Variants in TMEM184B observed in about 807,000 individuals in gnomAD.
TMEM184B encodes putative MAPK-activating protein FM08.
A neutral mutation model predicts 41.8 loss-of-function variants in TMEM184B; 17 were observed. The observed-to-expected ratio is 0.41, with a 90% CI of 0.28 to 0.61. The LOEUF (loss-of-function observed/expected upper bound fraction) is 0.61. TMEM184B is among the 20% of genes least tolerant of loss of function. The probability of loss-of-function intolerance (pLI) is 0.34; values close to 1 mark genes in which losing one functional copy is unlikely to be tolerated. For missense variants in TMEM184B, 393 were observed against 557.8 expected (o/e 0.70, Z 2.98); for synonymous variants, 240 against 229.5 (o/e 1.05, Z -0.41).
At chr22:38,268,307 G>A (rs1020619285) in intron 1 of TMEM184B, among the ~76,000 whole-genome samples, 7 of 151,090 alleles carry the variant, frequency 4.6e-5, no homozygotes, top group African/African-American at 1.2e-4. Flanking sequence ...CCCAGGAGGC[G>A]GAGGTTGCAG....
Position 38,241,879 on chromosome 22 carries a change from G to A in TMEM184B, c.358+4056C>T, listed in dbSNP as rs1251371910. The stretch of plus-strand genomic sequence containing the variant: ...GGCCTGGGTGACAGAGCGAGACTCC[G>A]TCTCAAAAAAAAAAAAAAAAAAAAA... On this transcript the variant is annotated intron_variant, in intron 3 of 8. Coordinates refer to ENST00000361906, the MANE Select transcript of TMEM184B (RefSeq NM_012264.5). Among the ~76,000 whole-genome samples, 21 of 46,254 alleles carry A rather than the reference G, an allele frequency of 4.5e-4. No individual in the cohort carries two copies. In the East Asian group the frequency reaches 0.011, roughly 25 times the overall value. 30.3% of individuals were successfully genotyped at this position (46,254 alleles called of 152,430 possible).
At chr22:38,217,634 T>TCCG (rs1010282851), downstream of TMEM184B, among the ~76,000 whole-genome samples, 25 of 149,042 alleles carry the variant, frequency 1.7e-4, no homozygotes, top group African/African-American at 5.9e-4. Context: ...AGAGTGAGAC[T>TCCG]CCGTCTCAAA....
In TMEM184B at chr22:38,221,175, C is replaced by G; in HGVS notation, c.*294G>C. On this transcript the variant is annotated 3_prime_UTR_variant, in exon 9 of 9. Coordinates refer to ENST00000361906, the MANE Select transcript of TMEM184B (RefSeq NM_012264.5). ...GCATTGGGGCCTGGGTGCGGCTGGT[C>G]CCAGCATGCCCCCAGCACAGGACGG... 8.0e-7 allele frequency: 1 copy of G among 1,242,814 alleles called. No homozygotes were observed. Among genetic ancestry groups the G allele is most frequent in the Non-Finnish European group, 1.0e-6 (1 of 989,606 alleles). The allele number at this position is 1,242,814 out of a possible 1,614,324, so 77.0% of individuals were successfully genotyped here. A position where few individuals can be genotyped will look rare whatever the true frequency, so the allele number is the denominator to read the frequency against.
At chr22:38,259,072 C>T (rs1000769962) in intron 1 of TMEM184B, among the ~76,000 whole-genome samples, 4 of 152,180 alleles carry the variant, frequency 2.6e-5, no homozygotes, top group African/African-American at 7.2e-5. Context: ...CCAGGAAAGA[C>T]GTCTTCCGGC....
intron 1 of TMEM184B, among the ~76,000 whole-genome samples, chr22:38,267,083 CAA>C (rs135719): frequency 7.3e-4 from 80 of 109,964 alleles, no homozygotes; most frequent in Admixed American, 9.4e-4. Context: ...AACTCTGTCT[CAA>C]AAAAAAAAAA....
chr22:38,226,520 T>C lies in TMEM184B; in HGVS notation c.617+259A>G. ...TGCCTCAGCAGTGGTCACTGTCCCT[T>C]TGTGGCCCATCCCTTCATGGTACCA... On this transcript the variant is annotated intron_variant, in intron 6 of 8. Transcript: ENST00000361906. This position sits in a 1 kb window ranked among gnomAD's most constrained non-coding sequence, Gnocchi z 4.6. 2.3e-6 allele frequency: 1 copy of C among 426,546 alleles called. No individual in the cohort carries two copies. Among genetic ancestry groups the C allele is most frequent in the Non-Finnish European group, 4.4e-6 (1 of 225,868 alleles). 26.4% of individuals were successfully genotyped at this position (426,546 alleles called of 1,614,324 possible).
intron 2 of TMEM184B, among the ~76,000 whole-genome samples, 163 bp from the exon 3 acceptor site, chr22:38,246,263 G>T (rs2092028388): frequency 6.6e-6 from 1 of 152,202 alleles, no homozygotes. Flanking sequence ...GACAGGACTT[G>T]CCTCCCAAGG....
intron 1 of TMEM184B, among the ~76,000 whole-genome samples, chr22:38,255,463 T>C (rs1056657368): frequency 4.6e-5 from 7 of 152,230 alleles, no homozygotes; most frequent in Admixed American, 1.3e-4. Context: ...TGAGCCACCA[T>C]GCCTGGCCCC....
chr22:38,216,915 A>G (rs2091156007), downstream of TMEM184B, among the ~76,000 whole-genome samples: 1 of 152,168 alleles, frequency 6.6e-6, no homozygotes, highest in South Asian at 2.1e-4. Context: ...ATGTGGTGGT[A>G]CACATGCCTA....
At chr22:38,268,603 A>G (rs1489824686) in intron 1 of TMEM184B, among the ~76,000 whole-genome samples, 1 of 152,114 alleles carries the variant, frequency 6.6e-6, no homozygotes, top group Non-Finnish European at 1.5e-5. Flanking sequence ...GCAAACATTT[A>G]TTTCAGGTCT....
intron 3 of TMEM184B, among the ~76,000 whole-genome samples, chr22:38,244,506 G>A (rs532591750): frequency 6.6e-6 from 1 of 151,976 alleles, no homozygotes; most frequent in African/African-American, 2.4e-5. Flanking sequence ...GCCCAGGCTG[G>A]AGTGCAATGG....
chr22:38,232,806 G>C (rs2091669642), intron 3 of TMEM184B, among the ~76,000 whole-genome samples: 1 of 152,194 alleles, frequency 6.6e-6, no homozygotes, highest in African/African-American at 2.4e-5. Context: ...CCCCAGAGCA[G>C]GTTCTCTTAT....
intron 8 of TMEM184B, chr22:38,222,852 C>T: frequency 4.0e-6 from 1 of 250,232 alleles, no homozygotes; most frequent in Non-Finnish European, 6.3e-6. Flanking sequence ...CTCCAGGTGC[C>T]TCCTGGGGCC....
intron 1 of TMEM184B, among the ~76,000 whole-genome samples, chr22:38,251,629 C>T (rs559229424): frequency 6.6e-6 from 1 of 152,310 alleles, no homozygotes; most frequent in African/African-American, 2.4e-5. Flanking sequence ...AGGGTGGGCA[C>T]TGGATTCTGA....
chr22:38,247,850 G>C lies in TMEM184B; in HGVS notation c.112C>G (p.Pro38Ala). 1.2e-6 allele frequency: 2 copies of C among 1,613,786 alleles called. No homozygotes were observed. Among genetic ancestry groups the C allele is most frequent in the Non-Finnish European group, 1.7e-6 (2 of 1,179,958 alleles). ...PEGSPTAMEQ[P>A]VFLMTTAAQA... ...GCGGCAGTTGTCATCAGGAACACAGGCTGCTCCATGGCAGTGGGGCTGCCC... is the reference window on the plus strand; with the variant it reads ...GCGGCAGTTGTCATCAGGAACACAGCCTGCTCCATGGCAGTGGGGCTGCCC... Residue 38 changes from proline to alanine, a missense_variant, in exon 2 of 9, where the codon CCT (proline) becomes GCT (alanine). Transcript: ENST00000361906.
In TMEM184B at chr22:38,221,476, T is replaced by C. The variant is rs1378042100; in HGVS notation, c.1217A>G (p.Glu406Gly). Residue 406 changes from glutamate (E) to glycine (G), a missense_variant, in exon 9 of 9, where the codon GAA becomes GGA. Transcript: ENST00000361906. ...CGCCACTGCAGCCCGCACCTAGAATTCATCATCAGAGCTGAGCAGGAGAGT... is the reference window on the plus strand; with the variant it reads ...CGCCACTGCAGCCCGCACCTAGAATCCATCATCAGAGCTGAGCAGGAGAGT... ...EKTLLLSSDD[E>G]F The C allele has an allele frequency of 6.2e-7, 1 of 1,605,180 alleles. No homozygotes were observed. Among genetic ancestry groups the C allele is most frequent in the Non-Finnish European group, 8.5e-7 (1 of 1,174,988 alleles).
chr22:38,270,733 T>C (rs773862564), intron 1 of TMEM184B, among the ~76,000 whole-genome samples: 7 of 152,058 alleles, frequency 4.6e-5, no homozygotes, highest in Non-Finnish European at 1.0e-4. Context: ...CTGTGACTCG[T>C]TTTCAAAACA....
chr22:38,262,849 T>C (rs1456135144), intron 1 of TMEM184B, among the ~76,000 whole-genome samples: 1 of 152,222 alleles, frequency 6.6e-6, no homozygotes, highest in Non-Finnish European at 1.5e-5. Context: ...AGCCAGAACC[T>C]TGACCTTCCT....
At chr22:38,243,084 G>A (rs61081571) in intron 3 of TMEM184B, among the ~76,000 whole-genome samples, 2,416 of 151,952 alleles carry the variant, frequency 0.016, 80 homozygotes, top group African/African-American at 0.055. Flanking sequence ...TGAACTCGGG[G>A]GCAGCCTGAA....
Sources: gnomAD v4.1 joint callset for allele counts (sites outside exome capture counted in the v4.1 genomes callset) on GRCh38, gnomAD v4.1.1 for gene constraint, Gnocchi (gnomAD v3.1) non-coding constraint, MANE v1.5 for transcripts, NCBI Gene and HGNC (gene_info 2026-07-23, HGNC 2026-07-21) for gene names.